The following CSMD1 variants were observed in gnomAD, a reference collection of about 807,000 sequenced individuals.
The protein encoded by CSMD1 is CUB and Sushi multiple domains 1.
In CSMD1, 213 loss-of-function variants were observed where a neutral mutation model predicts 417.5. The ratio of observed to expected loss-of-function variants is 0.51; its 90% confidence interval spans 0.46 to 0.57. CSMD1 has a LOEUF of 0.57. Among genes scored for constraint, CSMD1 ranks in the 20% least tolerant of loss-of-function variants. CSMD1 has a pLI of 0.00. For synonymous variants in CSMD1, 2,862 were observed against 1,736.8 expected, an observed-to-expected ratio of 1.65 and a Z score of -16.11; for missense variants, 6,923 against 4,529.7, an observed-to-expected ratio of 1.53 and a Z score of -15.17.
chr8:4,150,132 G>C (rs539504883), intron 3 of CSMD1, among the ~76,000 whole-genome samples: 272 of 152,282 alleles, frequency 1.8e-3, no homozygotes, highest in Non-Finnish European at 3.1e-3. Context: ...TGTATTTTAA[G>C]GAATAAACTG....
intron 39 of CSMD1, among the ~76,000 whole-genome samples, chr8:3,155,468 C>T (rs901399521): frequency 3.4e-5 from 5 of 147,380 alleles, no homozygotes; most frequent in Admixed American, 2.1e-4. Flanking sequence ...CCCAGGTTCA[C>T]GCCATTCTCC....
At position 4,820,209 on chromosome 8, in the gene CSMD1, A is replaced by G. The variant is rs115931772; in HGVS notation, c.85+174123T>C. Reference sequence around the variant, plus strand: ...CAGCATCCTCTCTTGGCCTGGACAGAGAATGATATGCATTATTGAATTGTA... The same window carrying G: ...CAGCATCCTCTCTTGGCCTGGACAGGGAATGATATGCATTATTGAATTGTA... On this transcript the variant is annotated intron_variant, in intron 1 of 69. Coordinates refer to ENST00000635120, the MANE Select transcript of CSMD1 (RefSeq NM_033225.6). Among the ~76,000 whole-genome samples, 1,074 of 152,262 alleles carry G rather than the reference A, an allele frequency of 7.1e-3. 8 individuals carry two copies. The highest frequency in any genetic ancestry group is 0.025 in the African/African-American group (1,028 of 41,560).
At chr8:4,558,859 C>T (rs900118227) in intron 2 of CSMD1, among the ~76,000 whole-genome samples, 2 of 152,170 alleles carry the variant, frequency 1.3e-5, no homozygotes, top group Non-Finnish European at 2.9e-5. Context: ...CAAAGTGAGA[C>T]TCCGTCTCAA....
In CSMD1 at chr8:3,084,545, C is replaced by T. The variant is rs570731189; in HGVS notation, c.7474+2552G>A. 2.6e-3 allele frequency among the ~76,000 whole-genome samples: 301 copies of T among 114,366 alleles called. 1 individual carries two copies. The highest frequency in any genetic ancestry group is 4.8e-3 in the Non-Finnish European group (248 of 52,136). 75.0% of individuals were successfully genotyped at this position (114,366 alleles called of 152,430 possible). On this transcript the variant is annotated intron_variant, in intron 49 of 69. Transcript: ENST00000635120. ...GTCTCAAAAAAAAAAAAAAAAAAATCTACATTCTAAAAGTAACAAAAGGAA... is the reference window on the plus strand; with the variant it reads ...GTCTCAAAAAAAAAAAAAAAAAAATTTACATTCTAAAAGTAACAAAAGGAA...
At chr8:3,482,707 A>G (rs1817816545) in intron 11 of CSMD1, among the ~76,000 whole-genome samples, 1 of 152,200 alleles carries the variant, frequency 6.6e-6, no homozygotes, top group Non-Finnish European at 1.5e-5. Flanking sequence ...AAAGCTGACA[A>G]AAGATAAATC....
At chr8:4,952,459 T>C (rs1421896048) in intron 1 of CSMD1, among the ~76,000 whole-genome samples, 1 of 152,056 alleles carries the variant, frequency 6.6e-6, no homozygotes, top group Non-Finnish European at 1.5e-5. Context: ...CAATTACCTA[T>C]GTCTAAAAGA....
intron 5 of CSMD1, among the ~76,000 whole-genome samples, chr8:3,847,496 A>G (rs1803587983): frequency 6.6e-6 from 1 of 152,088 alleles, no homozygotes; most frequent in Non-Finnish European, 1.5e-5. Context: ...TTCCGCCAAC[A>G]TCAATATGAG....
chr8:3,812,272 T>TG (rs2129077765), intron 5 of CSMD1, among the ~76,000 whole-genome samples: 1 of 152,260 alleles, frequency 6.6e-6, no homozygotes, highest in East Asian at 1.9e-4. Flanking sequence ...AATAATGCAT[T>TG]GTTTTTGGTG....
At chr8:4,235,870 A>C (rs1007899519) in intron 3 of CSMD1, among the ~76,000 whole-genome samples, 3 of 152,182 alleles carry the variant, frequency 2.0e-5, no homozygotes, top group Non-Finnish European at 4.4e-5. Flanking sequence ...CTAACTGAGG[A>C]ATAGCGGAAC....
chr8:4,467,243 C>A (rs1328414685), intron 2 of CSMD1, among the ~76,000 whole-genome samples: 1 of 152,058 alleles, frequency 6.6e-6, no homozygotes, highest in Non-Finnish European at 1.5e-5. Flanking sequence ...GGGACACATT[C>A]CAGCTAAGAA....
At chr8:4,779,127 A>C (rs1315814195) in intron 1 of CSMD1, among the ~76,000 whole-genome samples, 1 of 152,206 alleles carries the variant, frequency 6.6e-6, no homozygotes, top group African/African-American at 2.4e-5. Context: ...TTAAAATTTT[A>C]GAACTCCTCC....
intron 7 of CSMD1, among the ~76,000 whole-genome samples, chr8:3,622,707 G>T (rs1190824470): frequency 6.6e-6 from 1 of 152,192 alleles, no homozygotes; most frequent in Non-Finnish European, 1.5e-5. Context: ...AGAGGGAGTT[G>T]TTTCGTGTGA....
chr8:3,477,421 G>A (rs4993694), intron 11 of CSMD1, among the ~76,000 whole-genome samples: 95,878 of 151,270 alleles, frequency 0.63, 31,361 homozygotes, highest in Middle Eastern at 0.75. Context: ...TGTGGAGAAA[G>A]CAGAGTTACT....
intron 50 of CSMD1, among the ~76,000 whole-genome samples, chr8:3,037,964 G>GT (rs1258810735): frequency 4.3e-4 from 66 of 152,170 alleles, no homozygotes; most frequent in African/African-American, 1.5e-3. Flanking sequence ...TGCCACTACT[G>GT]TTTTTTCCAT....
intron 1 of CSMD1, among the ~76,000 whole-genome samples, chr8:4,875,490 T>C (rs188848110): frequency 1.3e-5 from 2 of 152,154 alleles, no homozygotes; most frequent in African/African-American, 4.8e-5. Flanking sequence ...GCGTCTCACT[T>C]GAGCAACTCC....
chr8:3,513,150 G>T (rs9644340), intron 10 of CSMD1, among the ~76,000 whole-genome samples: 19,016 of 151,528 alleles, frequency 0.13, 1,447 homozygotes, highest in African/African-American at 0.21. Flanking sequence ...TGCCTTTATG[G>T]ATTCAGCTAC....
At position 4,862,103 on chromosome 8, in the gene CSMD1, A is replaced by T. The variant is rs559705367; in HGVS notation, c.85+132229T>A. Among the ~76,000 whole-genome samples the T allele has an allele frequency of 3.6e-4, 55 of 152,136 alleles. 1 individual carries two copies. The highest frequency in any genetic ancestry group is 1.3e-3 in the African/African-American group (54 of 41,458). ...GCGTCTTCTGATCCAAGAAGGAAGG[A>T]AGGAGTGAGTCAGCTCTAAGGGTCT... On this transcript the variant is annotated intron_variant, in intron 1 of 69. Transcript: ENST00000635120.
chr8:4,307,709 T>A (rs1563427125), intron 3 of CSMD1, among the ~76,000 whole-genome samples: 1 of 152,160 alleles, frequency 6.6e-6, no homozygotes, highest in Non-Finnish European at 1.5e-5. Context: ...AGCACGATGC[T>A]CTTGACCATG....
intron 2 of CSMD1, among the ~76,000 whole-genome samples, chr8:4,594,908 T>C (rs1290367112): frequency 6.6e-6 from 1 of 152,202 alleles, no homozygotes; most frequent in Non-Finnish European, 1.5e-5. Flanking sequence ...TGGATGGTTA[T>C]AGTGGTTTAA....
Sources: gnomAD v4.1 joint callset for allele counts (sites outside exome capture counted in the v4.1 genomes callset) on GRCh38, gnomAD v4.1.1 for gene constraint, MANE v1.5 for transcripts, NCBI Gene and HGNC (gene_info 2026-07-23, HGNC 2026-07-21) for gene names.